HMCN2: variants seen among roughly 807,000 people sequenced by gnomAD.
HMCN2 encodes the protein hemicentin-2.
A neutral mutation model predicts 377.5 loss-of-function variants in HMCN2; 325 were observed. The ratio of observed to expected loss-of-function variants is 0.86; its 90% CI spans 0.79 to 0.94. The LOEUF is 0.94. Among genes scored for constraint, HMCN2 ranks in the 40% least tolerant of loss-of-function variants. HMCN2 has a pLI of 0.00. For missense variants in HMCN2, 4,543 were observed against 4,725.3 expected, an observed-to-expected ratio of 0.96 and a Z score of 1.13; for synonymous variants, 2,007 against 2,046.8, an observed-to-expected ratio of 0.98 and a Z score of 0.53.
chr9:130,283,706 C>G (rs1176403277), intron 1 of HMCN2, among the ~76,000 whole-genome samples: 1 of 152,206 alleles, frequency 6.6e-6, no homozygotes, highest in Non-Finnish European at 1.5e-5. Context: ...CGTCTGGCTT[C>G]TCTCGCGTGG....
At chr9:130,410,911 G>A (rs57244570) in intron 85 of HMCN2, among the ~76,000 whole-genome samples, 3,299 of 152,260 alleles carry the variant, frequency 0.022, 130 homozygotes, top group African/African-American at 0.075. Context: ...CAAGATCACC[G>A]CGACAGCTCT....
At chr9:130,292,848 T>A (rs191425208) in intron 4 of HMCN2, among the ~76,000 whole-genome samples, 1 of 152,320 alleles carries the variant, frequency 6.6e-6, no homozygotes, top group African/African-American at 2.4e-5. Flanking sequence ...AATTAGCCAC[T>A]TCTCCAAGGA....
chr9:130,320,074 C>T (rs948226622), intron 16 of HMCN2, among the ~76,000 whole-genome samples: 3 of 152,220 alleles, frequency 2.0e-5, no homozygotes, highest in Admixed American at 2.0e-4. Context: ...ACACGCCAGG[C>T]CCAAGGGCGG....
Position 130,392,095 on chromosome 9 carries a change from C to G in HMCN2, c.10113C>G (p.Leu3371=), listed in dbSNP as rs958411297. 1 of 988,296 alleles carries G rather than the reference C, an allele frequency of 1.0e-6. No individual in the cohort carries two copies. The highest frequency in any genetic ancestry group is 4.7e-5 in the South Asian group (1 of 21,396). The allele number at this position is 988,296 out of a possible 1,614,324, so 61.2% of individuals were successfully genotyped here. ...TCCCGCTCTCCCAGCGCACCCTCCT[C>G]CACGGCTCTGGCCACACCCTCAGGT... ...LPLPLSQRTL[L]HGSGHTLRIS... is the part of the protein sequence containing the mutation. Residue 3371 remains leucine (L), a synonymous_variant, in exon 66 of 98, where the codon CTC becomes CTG. Coordinates refer to ENST00000683500, the MANE Select transcript of HMCN2 (RefSeq NM_001291815.2).
At chr9:130,343,877 T>A (rs1288252635) in intron 25 of HMCN2, among the ~76,000 whole-genome samples, 1 of 152,172 alleles carries the variant, frequency 6.6e-6, no homozygotes, top group Non-Finnish European at 1.5e-5. Flanking sequence ...CCCAGCACCC[T>A]CATGGGGACT....
At chr9:130,278,332 G>C (rs1834911245) in intron 1 of HMCN2, among the ~76,000 whole-genome samples, 2 of 152,032 alleles carry the variant, frequency 1.3e-5, no homozygotes, top group Non-Finnish European at 2.9e-5. Context: ...CACCGTGTTA[G>C]CCAGGTTGGT....
intron 61 of HMCN2, 135 bp downstream of exon 61, chr9:130,386,659 G>A: frequency 2.5e-6 from 1 of 400,274 alleles, no homozygotes; most frequent in South Asian, 2.2e-5. Context: ...TAGAATTTGT[G>A]TACCTATCTA....
chr9:130,416,437 G>A (rs560682480), intron 85 of HMCN2, among the ~76,000 whole-genome samples: 15 of 151,992 alleles, frequency 9.9e-5, no homozygotes, highest in Non-Finnish European at 1.8e-4. Flanking sequence ...CACCCCACAC[G>A]TGCTCTTGCG....
In HMCN2 at chr9:130,410,582, G is replaced by C; in HGVS notation, c.12891G>C (p.Ala4297=). 6.4e-7 allele frequency: 1 copy of C among 1,550,566 alleles called. No homozygotes were observed. Residue 4297 remains alanine, a synonymous_variant, in exon 85 of 98, where the codon GCG becomes GCC. Coordinates refer to ENST00000683500, the MANE Select transcript of HMCN2 (RefSeq NM_001291815.2). ...LTIRRTERDD[A]GRYQCLAENE... is the part of the protein sequence containing the mutation. ...GTGCCCACTTGCAGAGGGACGATGC[G>C]GGACGGTACCAGTGCCTGGCAGAGA...
At chr9:130,367,941 CAAAAA>C (rs10565235) in intron 43 of HMCN2, among the ~76,000 whole-genome samples, 69 of 75,510 alleles carry the variant, frequency 9.1e-4, no homozygotes, top group African/African-American at 2.1e-3. Flanking sequence ...GACTCTGTCT[CAAAAA>C]AAAAAAAAAA....
Position 130,310,064 on chromosome 9 carries a change from G to A in HMCN2, c.2350+3G>A, listed in dbSNP as rs1837150690. On this transcript the variant is annotated splice_donor_region_variant and intron_variant, in intron 15 of 97. Coordinates refer to ENST00000683500, the MANE Select transcript of HMCN2 (RefSeq NM_001291815.2). ...AGAAATCCAGCTGGCGGTTGGACGT[G>A]AGTGTATACCTTGTCTCCCCCTCCC... The A allele has an allele frequency of 1.9e-6, 1 of 530,682 alleles. No individual in the cohort carries two copies. The highest frequency in any genetic ancestry group is 3.2e-4 in the Middle Eastern group (1 of 3,126). The allele number at this position is 530,682 out of a possible 1,614,324, so 32.9% of individuals were successfully genotyped here.
Position 130,428,516 on chromosome 9 carries a change from T to C in HMCN2, c.14197+27T>C. 6.5e-7 allele frequency: 1 copy of C among 1,535,782 alleles called. No homozygotes were observed. Among genetic ancestry groups the C allele is most frequent in the Non-Finnish European group, 8.7e-7 (1 of 1,146,080 alleles). On this transcript the variant is annotated intron_variant, in intron 93 of 97. Coordinates refer to ENST00000683500, the MANE Select transcript of HMCN2 (RefSeq NM_001291815.2). The surrounding 1 kb of genome is among the most constrained non-coding windows in gnomAD (Gnocchi z 5.0). ...TGATGGGGGCACAGCATGCGGCCTG[T>C]CCATACTCCTGGAAACCCAGAGGTT...
chr9:130,309,647 G>A (rs1298503108), intron 14 of HMCN2, among the ~76,000 whole-genome samples: 2 of 151,898 alleles, frequency 1.3e-5, no homozygotes, highest in African/African-American at 2.4e-5. Flanking sequence ...AGCGGGGGGG[G>A]TCCAAACATG....
At chr9:130,371,220 C>T in intron 46 of HMCN2, 89 bp downstream of exon 46, 2 of 752,422 alleles carry the variant, frequency 2.7e-6, no homozygotes, top group Non-Finnish European at 3.2e-6. Context: ...ACCTCTGACT[C>T]TGAGCTGCCA....
chr9:130,271,690 C>T (rs1834416411), intron 1 of HMCN2, among the ~76,000 whole-genome samples: 1 of 148,822 alleles, frequency 6.7e-6, no homozygotes, highest in African/African-American at 2.4e-5. Context: ...CTTGAATTCG[C>T]TATTTCTCCA....
intron 74 of HMCN2, among the ~76,000 whole-genome samples, chr9:130,398,092 A>G (rs1366627958): frequency 2.9e-5 from 4 of 139,086 alleles, no homozygotes; most frequent in Admixed American, 7.4e-5. Context: ...GTTTCAGGCT[A>G]TAGTGAGCCA....
intron 80 of HMCN2, 105 bp from the exon 81 acceptor site, chr9:130,404,764 A>T (rs984679554): frequency 1.3e-6 from 1 of 765,488 alleles, no homozygotes; most frequent in Non-Finnish European, 1.8e-6. Context: ...GGGGCAGCTG[A>T]TGGCCAGGGA....
chr9:130,380,649 T>A lies in HMCN2; in HGVS notation c.8431+1182T>A, dbSNP rs555718635. Among the ~76,000 whole-genome samples, 35 of 152,072 alleles carry A rather than the reference T, an allele frequency of 2.3e-4. 2 individuals carry two copies. In the South Asian group the frequency reaches 5.6e-3, roughly 24 times the overall value. On this transcript the variant is annotated intron_variant, in intron 54 of 97. Transcript: ENST00000683500. Reference sequence around the variant, plus strand: ...AAAATATTTTAAAACTAGCTGGGCGTGGTGGCATGTACCTGTGGTCCCAGC... The same window carrying A: ...AAAATATTTTAAAACTAGCTGGGCGAGGTGGCATGTACCTGTGGTCCCAGC...
At chr9:130,313,963 A>G (rs1358560040) in intron 15 of HMCN2, among the ~76,000 whole-genome samples, 1 of 151,628 alleles carries the variant, frequency 6.6e-6, no homozygotes, top group Admixed American at 6.6e-5. Context: ...TATTTTTTGT[A>G]GAGATAGAGT....
Sources: gnomAD v4.1 joint callset for allele counts (sites outside exome capture counted in the v4.1 genomes callset) on GRCh38, gnomAD v4.1.1 for gene constraint, Gnocchi (gnomAD v3.1) non-coding constraint, MANE v1.5 for transcripts, NCBI Gene and HGNC (gene_info 2026-07-23, HGNC 2026-07-21) for gene names.